MEI4: variants seen among roughly 807,000 people sequenced by gnomAD.
MEI4 encodes meiotic double-stranded break formation protein 4.
Under a neutral mutation model 31.4 loss-of-function variants are expected in MEI4, and 27 were observed. The observed-to-expected ratio is 0.86, with a 90% CI of 0.63 to 1.19. The LOEUF is 1.19. Ranked by LOEUF, MEI4 falls within the 50% of genes most tolerant of loss-of-function variation. The pLI is 0.00. For synonymous variants in MEI4, 122 were observed against 145.4 expected, an observed-to-expected ratio of 0.84 and a Z score of 1.16; for missense variants, 329 against 398.9, an observed-to-expected ratio of 0.82 and a Z score of 1.49.
chr6:77,911,577 C>T (rs1766435664), intron 4 of MEI4, among the ~76,000 whole-genome samples: 1 of 151,720 alleles, frequency 6.6e-6, no homozygotes, highest in South Asian at 2.1e-4. Flanking sequence ...TTTTCTGTTC[C>T]TGCATTAATT....
intron 2 of MEI4, among the ~76,000 whole-genome samples, chr6:77,696,779 TA>T (rs1766057072): frequency 6.6e-6 from 1 of 152,054 alleles, no homozygotes; most frequent in Non-Finnish European, 1.5e-5. Flanking sequence ...GCTGGCCTCA[TA>T]AAATGAGTTA....
At chr6:77,730,972 G>C (rs1339653652) in intron 2 of MEI4, among the ~76,000 whole-genome samples, 2 of 151,622 alleles carry the variant, frequency 1.3e-5, no homozygotes, top group Non-Finnish European at 2.9e-5. Context: ...ATTTTTTATG[G>C]CTGCATAGTA....
intron 2 of MEI4, among the ~76,000 whole-genome samples, chr6:77,757,594 T>C (rs1767946553): frequency 6.6e-6 from 1 of 152,194 alleles, no homozygotes; most frequent in Non-Finnish European, 1.5e-5. Context: ...AAACTGGCAA[T>C]CACCTTTTTT....
chr6:77,828,790 A>G, intron 3 of MEI4, 141 bp from the exon 4 acceptor site: 1 of 520,012 alleles, frequency 1.9e-6, no homozygotes, highest in Non-Finnish European at 3.0e-6. Flanking sequence ...TGTGTATTTT[A>G]TGGTTGTTCT....
At chr6:77,661,428 C>G (rs1280525597) in intron 1 of MEI4, among the ~76,000 whole-genome samples, 1 of 152,176 alleles carries the variant, frequency 6.6e-6, no homozygotes, top group Non-Finnish European at 1.5e-5. Context: ...GGGAAGGCCT[C>G]TACCCATCCA....
intron 2 of MEI4, among the ~76,000 whole-genome samples, chr6:77,745,761 A>T (rs1767581458): frequency 6.6e-6 from 1 of 152,182 alleles, no homozygotes; most frequent in African/African-American, 2.4e-5. Flanking sequence ...AGAAATTATA[A>T]CAAACTCTCT....
chr6:77,838,350 A>G (rs1203265220), intron 4 of MEI4, among the ~76,000 whole-genome samples: 1 of 152,120 alleles, frequency 6.6e-6, no homozygotes, highest in Non-Finnish European at 1.5e-5. Context: ...GTACTGAATT[A>G]GTCTCACTGT....
At chr6:77,707,825 G>A (rs1008930359) in intron 2 of MEI4, among the ~76,000 whole-genome samples, 1 of 152,228 alleles carries the variant, frequency 6.6e-6, no homozygotes, top group African/African-American at 2.4e-5. Context: ...TGCTCTAGAG[G>A]GCGCAAGCCA....
At chr6:77,660,460 C>T (rs572026515) in intron 1 of MEI4, among the ~76,000 whole-genome samples, 9 of 151,718 alleles carry the variant, frequency 5.9e-5, no homozygotes, top group East Asian at 1.9e-4. Context: ...CAGTGTAAAC[C>T]GGCGGTGTAA....
Position 77,828,968 on chromosome 6 carries a change from C to A in MEI4, c.806C>A (p.Thr269Asn). 1.6e-6 allele frequency: 2 copies of A among 1,232,174 alleles called. No homozygotes were observed. The highest frequency in any genetic ancestry group is 8.2e-5 in the South Asian group (2 of 24,308). 76.3% of individuals were successfully genotyped at this position (1,232,174 alleles called of 1,614,324 possible). The change falls in exon 4 of 5, where the codon ACC becomes AAC. Residue 269 changes from threonine to asparagine, a missense_variant. Thr to Asn is a moderately conservative substitution (Grantham distance 65). Coordinates refer to ENST00000684080, the MANE Select transcript of MEI4 (RefSeq NM_001322247.2). Reference protein sequence around the residue: ...VQHYVSQSLVTLGNCSLLRKS... With the variant: ...VQHYVSQSLVNLGNCSLLRKS... The stretch of plus-strand genomic sequence containing the variant: ...CATTATGTCTCTCAGAGTCTGGTTA[C>A]CTTGGGAAATTGCAGCTTGTTGAGA...
intron 3 of MEI4, among the ~76,000 whole-genome samples, chr6:77,780,651 T>C (rs1463098804): frequency 6.6e-6 from 1 of 152,174 alleles, no homozygotes; most frequent in Non-Finnish European, 1.5e-5. Context: ...AATCTACTGT[T>C]TATGTCTTCT....
intron 4 of MEI4, among the ~76,000 whole-genome samples, chr6:77,906,763 C>T (rs995841197): frequency 2.6e-5 from 4 of 152,150 alleles, no homozygotes; most frequent in Non-Finnish European, 5.9e-5. Context: ...GGCACAGGTG[C>T]ATCCATTGCC....
intron 3 of MEI4, among the ~76,000 whole-genome samples, chr6:77,827,522 G>A (rs1329600876): frequency 6.6e-6 from 1 of 151,922 alleles, no homozygotes; most frequent in Admixed American, 6.6e-5. Flanking sequence ...CTAAATCAAG[G>A]GCTCAAATGA....
chr6:77,868,227 A>G (rs190932454), intron 4 of MEI4, among the ~76,000 whole-genome samples: 1 of 110,388 alleles, frequency 9.1e-6, no homozygotes, highest in Non-Finnish European at 1.7e-5. Flanking sequence ...AAAAAAAATT[A>G]AAAAAAATTA....
chr6:77,868,706 A>T (rs1771123986), intron 4 of MEI4, among the ~76,000 whole-genome samples: 1 of 151,468 alleles, frequency 6.6e-6, no homozygotes, highest in Non-Finnish European at 1.5e-5. Context: ...ATCTAAACTT[A>T]TTTTCCTCAG....
chr6:77,650,296 T>G (rs1257100875), upstream of MEI4, among the ~76,000 whole-genome samples: 1 of 152,200 alleles, frequency 6.6e-6, no homozygotes, highest in Non-Finnish European at 1.5e-5. Flanking sequence ...TCTGGACTGG[T>G]TGTGGAGCAC....
intron 4 of MEI4, among the ~76,000 whole-genome samples, chr6:77,909,095 A>G (rs1766369241): frequency 1.3e-5 from 2 of 152,274 alleles, no homozygotes; most frequent in Admixed American, 1.3e-4. Flanking sequence ...TTGACCACAT[A>G]GTTGGAACTA....
chr6:77,733,253 A>G (rs369813183), intron 2 of MEI4, among the ~76,000 whole-genome samples: 2 of 151,878 alleles, frequency 1.3e-5, no homozygotes, highest in Non-Finnish European at 2.9e-5. Context: ...AATCCATCTG[A>G]TCCTGGACTC....
chr6:77,778,686 C>T (rs980034960), intron 3 of MEI4, among the ~76,000 whole-genome samples: 12 of 151,082 alleles, frequency 7.9e-5, no homozygotes, highest in East Asian at 2.0e-4. Context: ...AGTGACAGAG[C>T]GAGACCTGAG....
Sources: allele counts gnomAD v4.1 joint callset (sites outside exome capture counted in the v4.1 genomes callset), GRCh38; gene constraint gnomAD v4.1.1; transcripts MANE v1.5; gene names NCBI Gene and HGNC (gene_info 2026-07-23, HGNC 2026-07-21).